MYOM3: variants seen among roughly 807,000 people sequenced by gnomAD.
MYOM3 encodes myomesin-3.
A neutral mutation model predicts 191.7 loss-of-function variants in MYOM3; 155 were observed. That is an observed-to-expected ratio of 0.81 (90% CI 0.71 to 0.92). MYOM3 has a LOEUF of 0.92. Among genes scored for constraint, MYOM3 ranks in the 40% least tolerant of loss-of-function variants. The probability of loss-of-function intolerance (pLI) is 0.00; values close to 1 mark genes in which losing one functional copy is unlikely to be tolerated. For missense variants in MYOM3, 1,889 were observed against 1,890.6 expected, an observed-to-expected ratio of 1.00 and a Z score of 0.02; for synonymous variants, 757 against 762.9, an observed-to-expected ratio of 0.99 and a Z score of 0.13.
chr1:24,081,569 T>C lies in MYOM3; in HGVS notation c.2281-113A>G, dbSNP rs549654681. On this transcript the variant is annotated intron_variant, in intron 18 of 36. Transcript: ENST00000374434. ...GTGGTCTGTGGGGGCTTTGCTTTTA[T>C]TTTTATTTTTTGAGACATGGTCTCA... is the stretch of plus-strand genomic sequence containing the variant. 1.3e-3 allele frequency: 1,683 copies of C among 1,280,456 alleles called. 1 individual carries two copies. Among genetic ancestry groups the C allele is most frequent in the Admixed American group, 1.7e-3 (67 of 40,368 alleles). 79.3% of individuals were successfully genotyped at this position (1,280,456 alleles called of 1,614,324 possible).
chr1:24,106,072 C>T lies in MYOM3; in HGVS notation c.408G>A (p.Glu136=), dbSNP rs747632253. 1 of 1,610,808 alleles carries T rather than the reference C, an allele frequency of 6.2e-7. No homozygotes were observed. Among genetic ancestry groups the T allele is most frequent in the African/African-American group, 1.3e-5 (1 of 74,924 alleles). Reference sequence around the variant, plus strand: ...GCTCCTTGGCCTCCTGGACCTTCTCCTCTGTCTGGAGGCGGGAAGAGGTGT... The same window carrying T: ...GCTCCTTGGCCTCCTGGACCTTCTCTTCTGTCTGGAGGCGGGAAGAGGTGT... The part of the protein sequence containing the change: ...RDWKTLRRRT[E]EKVQEAKELR... The change falls in exon 5 of 37, where the codon GAG becomes GAA. Residue 136 remains glutamate (E), a synonymous_variant. Coordinates refer to ENST00000374434, the MANE Select transcript of MYOM3 (RefSeq NM_152372.4).
In MYOM3 at chr1:24,061,262, A is replaced by G. The variant is rs1643366152; in HGVS notation, c.3971+11T>C. On this transcript the variant is annotated intron_variant, in intron 34 of 36. Coordinates refer to ENST00000374434, the MANE Select transcript of MYOM3 (RefSeq NM_152372.4). The stretch of plus-strand genomic sequence containing the variant: ...CTATAATTCACACTGAGAAATGTAG[A>G]GGAAACTTACTTCAGTCTCTGGTGT... 6.2e-7 allele frequency: 1 copy of G among 1,614,108 alleles called. No individual in the cohort carries two copies. Among genetic ancestry groups the G allele is most frequent in the Non-Finnish European group, 8.5e-7 (1 of 1,179,966 alleles).
chr1:24,080,276 A>C (rs1643651394), intron 19 of MYOM3, 82 bp from the exon 20 acceptor site: 7 of 1,148,280 alleles, frequency 6.1e-6, no homozygotes, highest in Non-Finnish European at 8.7e-6. Flanking sequence ...CCCAGCAGTC[A>C]GTCAACAAGC....
chr1:24,105,090 C>T (rs377376119), intron 5 of MYOM3, among the ~76,000 whole-genome samples: 6 of 152,252 alleles, frequency 3.9e-5, no homozygotes, highest in Admixed American at 6.5e-5. Context: ...GCCCCTGCCC[C>T]GCCCCTCCCC....
chr1:24,092,576 C>T (rs545239237), intron 10 of MYOM3, among the ~76,000 whole-genome samples: 1 of 152,306 alleles, frequency 6.6e-6, no homozygotes, highest in East Asian at 1.9e-4. Context: ...GAGCAGCCTT[C>T]CCCTCTTTGG....
At chr1:24,105,852 G>T (rs1643978004) in intron 5 of MYOM3, 68 bp downstream of exon 5, 2 of 1,448,358 alleles carry the variant, frequency 1.4e-6, no homozygotes, top group South Asian at 2.7e-5. Context: ...CCTGGCAGAA[G>T]TATTGGATGT....
chr1:24,104,250 T>C (rs1335864625), intron 5 of MYOM3, among the ~76,000 whole-genome samples: 1 of 152,214 alleles, frequency 6.6e-6, no homozygotes, highest in African/African-American at 2.4e-5. Flanking sequence ...TTTGTGCCCC[T>C]GTTCTCTCTC....
At position 24,063,879 on chromosome 1, in the gene MYOM3, G is replaced by C. The variant is rs1435800349; in HGVS notation, c.3622+193C>G. 6.6e-6 allele frequency among the ~76,000 whole-genome samples: 1 copy of C among 152,120 alleles called. No individual in the cohort carries two copies. Among genetic ancestry groups the C allele is most frequent in the Non-Finnish European group, 1.5e-5 (1 of 68,014 alleles). On this transcript the variant is annotated intron_variant, in intron 30 of 36. Transcript: ENST00000374434. The surrounding 1 kb of genome is among the most constrained non-coding windows in gnomAD (Gnocchi z 4.5). ...CTCACTGTGGTATACTGTGGTGAACGAGGGCATCGGAGTCACACCGACCTG... is the reference window on the plus strand; with the variant it reads ...CTCACTGTGGTATACTGTGGTGAACCAGGGCATCGGAGTCACACCGACCTG...
chr1:24,099,819 C>T lies in MYOM3; in HGVS notation c.561-44G>A, dbSNP rs539167863. The T allele has an allele frequency of 1.4e-5, 20 of 1,451,852 alleles. No homozygotes were observed. In the African/African-American group the frequency reaches 1.4e-4, roughly 10 times the overall value. The allele number at this position is 1,451,852 out of a possible 1,614,324, so 89.9% of individuals were successfully genotyped here. ...CTGTGGCAGGCAGGGTGGTTCTAAG[C>T]GGGAGGGGTCTGGAGCCTCTCGGAT... is the stretch of plus-strand genomic sequence containing the variant. On this transcript the variant is annotated intron_variant, in intron 5 of 36. Transcript: ENST00000374434.
Position 24,090,994 on chromosome 1 carries a change from C to T in MYOM3, c.1235G>A (p.Cys412Tyr). ...NPITAYTIERCQGESGEWIAC... is the reference protein window; with the variant it reads ...NPITAYTIERYQGESGEWIAC... ...GATCCATTCCCCAGACTCGCCCTGG[C>T]ACCTGTTGGAGACAGGCCCCCCCTT... The change falls in exon 12 of 37, where the codon TGC becomes TAC. Residue 412 changes from cysteine to tyrosine, a missense_variant and splice_region_variant. Physicochemically the swap from Cys to Tyr is radical, Grantham distance 194. Transcript: ENST00000374434. 1.2e-6 allele frequency: 2 copies of T among 1,613,442 alleles called. No homozygotes were observed. The highest frequency in any genetic ancestry group is 1.7e-6 in the Non-Finnish European group (2 of 1,179,962).
Position 24,063,014 on chromosome 1 carries a change from G to C in MYOM3, c.3770+112C>G. The C allele has an allele frequency of 1.6e-6, 1 of 638,466 alleles. No homozygotes were observed. The highest frequency in any genetic ancestry group is 1.7e-5 in the South Asian group (1 of 57,414). The allele number at this position is 638,466 out of a possible 1,614,324, so 39.6% of individuals were successfully genotyped here. On this transcript the variant is annotated intron_variant, in intron 32 of 36. Coordinates refer to ENST00000374434, the MANE Select transcript of MYOM3 (RefSeq NM_152372.4). The surrounding 1 kb of genome is among the most constrained non-coding windows in gnomAD (Gnocchi z 4.5). Reference sequence around the variant, plus strand: ...CCCTGGGACCAGGCTCTGCTTGGGGGACCAGAAACTCTGCTTGGAGGACCA... The same window carrying C: ...CCCTGGGACCAGGCTCTGCTTGGGGCACCAGAAACTCTGCTTGGAGGACCA...
Position 24,056,422 on chromosome 1 carries a change from T to A in MYOM3, c.*942A>T, listed in dbSNP as rs891934807. ...GCCCAACACCAATTCTGCTAATTTTTTTTTGGCTCAATCTTGGCTCATCAC... is the reference window on the plus strand; with the variant it reads ...GCCCAACACCAATTCTGCTAATTTTATTTTGGCTCAATCTTGGCTCATCAC... On this transcript the variant is annotated 3_prime_UTR_variant, in exon 37 of 37. Transcript: ENST00000374434. 6.6e-6 allele frequency: 1 copy of A among 152,180 alleles called. No individual in the cohort carries two copies. Among genetic ancestry groups the A allele is most frequent in the African/African-American group, 2.4e-5 (1 of 41,444 alleles). The allele number at this position is 152,180 out of a possible 1,614,324, so 9.4% of individuals were successfully genotyped here.
intron 35 of MYOM3, among the ~76,000 whole-genome samples, chr1:24,060,417 T>G (rs1643356585): frequency 6.6e-6 from 1 of 152,164 alleles, no homozygotes; most frequent in Non-Finnish European, 1.5e-5. Context: ...GCTGGCGGTG[T>G]GAGTTTTCTT....
At position 24,092,972 on chromosome 1, in the gene MYOM3, T is replaced by A. The variant is rs752125642; in HGVS notation, c.1065A>T (p.Glu355Asp). Residue 355 changes from glutamate to aspartate, a missense_variant, in exon 10 of 37, where the codon GAA becomes GAT. Glu to Asp is a conservative substitution (Grantham distance 45, BLOSUM62 2). Coordinates refer to ENST00000374434, the MANE Select transcript of MYOM3 (RefSeq NM_152372.4). ...CTCTCACAAGCACGTAGGTGCTCTG[T>A]TCCCGGGGTCCGAAGGGCGAGGGCA... ...VRVPSPFGPR[E>D]QSTYVLVRDA... The A allele has an allele frequency of 6.2e-7, 1 of 1,602,076 alleles. No individual in the cohort carries two copies. The highest frequency in any genetic ancestry group is 1.1e-5 in the South Asian group (1 of 89,250).
chr1:24,090,202 C>T (rs945470076), intron 12 of MYOM3, 84 bp from the exon 13 acceptor site: 22 of 1,112,414 alleles, frequency 2.0e-5, no homozygotes, highest in Non-Finnish European at 2.9e-5. Context: ...GGGTCTGCGT[C>T]CTGCCCCGTC....
In MYOM3 at chr1:24,081,419, C is replaced by T. The variant is rs200529083; in HGVS notation, c.2318G>A (p.Arg773His). ...DLHEGHFYEF[R>H]ARAANWAGVG... is the part of the protein sequence containing the mutation. ...ACCTGCCCAGTTGGCAGCCCGGGCA[C>T]GGAACTCATAGAAGTGGCCTTCATG... Residue 773 changes from arginine (R) to histidine (H), a missense_variant, in exon 19 of 37, where the codon CGT becomes CAT. Coordinates refer to ENST00000374434, the MANE Select transcript of MYOM3 (RefSeq NM_152372.4). The T allele has an allele frequency of 3.6e-5, 58 of 1,614,106 alleles. No homozygotes were observed. Among genetic ancestry groups the T allele is most frequent in the South Asian group, 1.9e-4 (17 of 91,080 alleles).
Position 24,093,115 on chromosome 1 carries a change from A to T in MYOM3, c.929-7T>A. ...GAGGACCTCAGTAGGCTCCCTGTGG[A>T]GGGGAAGTGGGGGGCCATTGAGTTT... On this transcript the variant is annotated splice_polypyrimidine_tract_variant and splice_region_variant and intron_variant, in intron 9 of 36. Coordinates refer to ENST00000374434, the MANE Select transcript of MYOM3 (RefSeq NM_152372.4). The T allele has an allele frequency of 6.2e-7, 1 of 1,601,422 alleles. No homozygotes were observed. Among genetic ancestry groups the T allele is most frequent in the Admixed American group, 1.7e-5 (1 of 59,162 alleles).
rs1442336548 is a variant in MYOM3 at position 24,057,102 on chromosome 1, T to C, written c.*262A>G. 1 of 524,114 alleles carries C rather than the reference T, an allele frequency of 1.9e-6. No homozygotes were observed. The highest frequency in any genetic ancestry group is 3.4e-6 in the Non-Finnish European group (1 of 292,658). 32.5% of individuals were successfully genotyped at this position (524,114 alleles called of 1,614,324 possible). A position where few individuals can be genotyped will look rare whatever the true frequency, so the allele number is the denominator to read the frequency against. ...TCTACCTATCAGATGCCAGTACTGTTAGATAGCCCCAGTGCATCCGGGTCT... is the reference window on the plus strand; with the variant it reads ...TCTACCTATCAGATGCCAGTACTGTCAGATAGCCCCAGTGCATCCGGGTCT... On this transcript the variant is annotated 3_prime_UTR_variant, in exon 37 of 37. Coordinates refer to ENST00000374434, the MANE Select transcript of MYOM3 (RefSeq NM_152372.4).
chr1:24,105,126 T>C (rs1052714394), intron 5 of MYOM3, among the ~76,000 whole-genome samples: 7 of 150,632 alleles, frequency 4.6e-5, no homozygotes, highest in Non-Finnish European at 1.0e-4. Context: ...TCTGGGATTC[T>C]GCCATGGTTC....
Sources: allele counts gnomAD v4.1 joint callset (sites outside exome capture counted in the v4.1 genomes callset), GRCh38; gene constraint gnomAD v4.1.1; non-coding constraint Gnocchi (gnomAD v3.1); transcripts MANE v1.5; gene names NCBI Gene and HGNC (gene_info 2026-07-23, HGNC 2026-07-21).